The following TMEM132E variants were observed in gnomAD, a reference collection of about 807,000 sequenced individuals.
TMEM132E encodes transmembrane protein 132E.
In TMEM132E, 49 loss-of-function variants were observed where a neutral mutation model predicts 78.5. The ratio of observed to expected loss-of-function variants is 0.62; its 90% CI spans 0.50 to 0.79. TMEM132E has a LOEUF of 0.79. TMEM132E is among the 30% of genes least tolerant of loss of function. The probability of loss-of-function intolerance (pLI) is 0.00; values close to 1 mark genes in which losing one functional copy is unlikely to be tolerated. For synonymous variants in TMEM132E, 715 were observed against 670.6 expected (o/e 1.07, Z -1.02); for missense variants, 1,403 against 1,470.9 (o/e 0.95, Z 0.75).
chr17:34,637,110 G>A, intron 8 of TMEM132E, 67 bp from the exon 9 acceptor site: 1 of 1,435,280 alleles, frequency 7.0e-7, no homozygotes. Context: ...ACAGAGCCCA[G>A]GATCTAGCAG....
chr17:34,606,670 TTCTTACATAGGTCC>T (rs1177046108), intron 1 of TMEM132E, among the ~76,000 whole-genome samples: 1 of 152,164 alleles, frequency 6.6e-6, no homozygotes, highest in Non-Finnish European at 1.5e-5. Flanking sequence ...CAGACCATGG[TTCTTACATAGGTCC>T]CCTGGCAAGT....
rs117198958 is a variant in TMEM132E at position 34,638,171 on chromosome 17, C to G, written c.3164C>G (p.Thr1055Arg). 226 of 1,604,626 alleles carry G rather than the reference C, an allele frequency of 1.4e-4. 3 individuals carry two copies. The East Asian group carries it at 4.8e-3, about 34-fold the overall frequency. ...GWGCPDVAGPTRPTAPPDLHN... is the reference protein window; with the variant it reads ...GWGCPDVAGPRRPTAPPDLHN... ...GGCTGCCCGGATGTGGCGGGCCCCA[C>G]GCGGCCCACTGCACCCCCGGACCTG... The change falls in exon 9 of 9, where the codon ACG becomes AGG. Residue 1055 changes from threonine to arginine, a missense_variant. Thr to Arg is a moderately conservative substitution (Grantham distance 71). Coordinates refer to ENST00000631683, the MANE Select transcript of TMEM132E (RefSeq NM_001304438.2).
At chr17:34,630,582 G>A (rs778836663) in intron 5 of TMEM132E, among the ~76,000 whole-genome samples, 1 of 152,156 alleles carries the variant, frequency 6.6e-6, no homozygotes, top group Non-Finnish European at 1.5e-5. Context: ...AGCAGGGGGT[G>A]GGTGAGGGAG....
At chr17:34,612,432 G>C (rs1374712950) in intron 1 of TMEM132E, among the ~76,000 whole-genome samples, 2 of 152,284 alleles carry the variant, frequency 1.3e-5, no homozygotes, top group African/African-American at 4.8e-5. Flanking sequence ...CAGGGGCCTT[G>C]GCTTATGGGA....
Position 34,638,259 on chromosome 17 carries a change from C to CG in TMEM132E, c.*27_*28insG. The CG allele has an allele frequency of 4.1e-6, 6 of 1,471,534 alleles. No individual in the cohort carries two copies. The highest frequency in any genetic ancestry group is 1.5e-5 in the African/African-American group (1 of 65,866). 91.2% of individuals were successfully genotyped at this position (1,471,534 alleles called of 1,614,324 possible). A position where few individuals can be genotyped will look rare whatever the true frequency, so the allele number is the denominator to read the frequency against. On this transcript the variant is annotated 3_prime_UTR_variant, in exon 9 of 9. Coordinates refer to ENST00000631683, the MANE Select transcript of TMEM132E (RefSeq NM_001304438.2). ...GGCGCCAGCCGGAGTAGCAGGGACC[C>CG]CCCCCCCCAACGGGGTCAGCTCGGG...
At chr17:34,636,659 C>T (rs1291559725) in intron 8 of TMEM132E, among the ~76,000 whole-genome samples, 1 of 152,140 alleles carries the variant, frequency 6.6e-6, no homozygotes, top group Non-Finnish European at 1.5e-5. Flanking sequence ...TCCTCTGTCC[C>T]TAACTCACTC....
At chr17:34,610,256 T>A (rs1906544251) in intron 1 of TMEM132E, among the ~76,000 whole-genome samples, 6 of 152,212 alleles carry the variant, frequency 3.9e-5, no homozygotes, top group Admixed American at 3.9e-4. Context: ...ATCTTCTTTA[T>A]CTCTGTCTCC....
At chr17:34,613,203 A>ACGCGCGCGCG (rs1419108167) in intron 1 of TMEM132E, among the ~76,000 whole-genome samples, 8 of 114,474 alleles carry the variant, frequency 7.0e-5, no homozygotes, top group Non-Finnish European at 9.8e-5. Flanking sequence ...ACACCCACAC[A>ACGCGCGCGCG]CACACACACG....
At chr17:34,622,302 T>G (rs1344715426) in intron 1 of TMEM132E, among the ~76,000 whole-genome samples, 1 of 151,990 alleles carries the variant, frequency 6.6e-6, no homozygotes, top group African/African-American at 2.4e-5. Flanking sequence ...CCAGAACAAG[T>G]GAGTGGGAGA....
At position 34,638,167 on chromosome 17, in the gene TMEM132E, C is replaced by T. The variant is rs1017460905; in HGVS notation, c.3160C>T (p.Pro1054Ser). Residue 1054 changes from proline to serine, a missense_variant, in exon 9 of 9, where the codon CCC becomes TCC. By Grantham distance (74) the Pro-to-Ser change is moderately conservative. Transcript: ENST00000631683. ...TTGGGGCTGCCCGGATGTGGCGGGC[C>T]CCACGCGGCCCACTGCACCCCCGGA... ...LGWGCPDVAG[P>S]TRPTAPPDLH... 9 of 1,604,708 alleles carry T rather than the reference C, an allele frequency of 5.6e-6. No individual in the cohort carries two copies. The highest frequency in any genetic ancestry group is 7.6e-6 in the Non-Finnish European group (9 of 1,176,624).
chr17:34,596,500 T>G (rs1906064535), intron 1 of TMEM132E, among the ~76,000 whole-genome samples: 1 of 152,156 alleles, frequency 6.6e-6, no homozygotes, highest in South Asian at 2.1e-4. Flanking sequence ...CCATTCAGCT[T>G]GGTCCCAGTG....
intron 1 of TMEM132E, 72 bp downstream of exon 1, chr17:34,581,215 G>A: frequency 7.4e-7 from 1 of 1,358,744 alleles, no homozygotes; most frequent in Non-Finnish European, 9.7e-7. Context: ...GGAAGACTGG[G>A]GAGAGGAGCA....
rs933547212 is a variant in TMEM132E at position 34,616,567 on chromosome 17, C to T, written c.68-9560C>T. ...CCAGAGGCACTCAGTGTTGGGAATA[C>T]GGTGGAGAGAGGAAAGTGGAGCCTC... is the stretch of plus-strand genomic sequence containing the variant. On this transcript the variant is annotated intron_variant, in intron 1 of 8. Transcript: ENST00000631683. Among the ~76,000 whole-genome samples, 4 of 152,290 alleles carry T rather than the reference C, an allele frequency of 2.6e-5. No individual in the cohort carries two copies. In the East Asian group the frequency reaches 5.8e-4, roughly 22 times the overall value.
rs1344415237 is a variant in TMEM132E at position 34,626,944 on chromosome 17, G to A, written c.885G>A (p.Met295Ile). The change falls in exon 2 of 9, where the codon ATG (methionine) becomes ATA (isoleucine). Residue 295 changes from methionine to isoleucine, a missense_variant. By Grantham distance (10) the Met-to-Ile change is conservative. This residue lies in a region of TMEM132E where 511 missense variants were observed against 499.0 expected (regional missense o/e 1.02). Coordinates refer to ENST00000631683, the MANE Select transcript of TMEM132E (RefSeq NM_001304438.2). ...AGCACAGGCTGGACAGCAACCTGAT[G>A]ATCCGCCTGCCAGACCGGCCCCTCA... ...LQEHRLDSNL[M>I]IRLPDRPLKP... 6.2e-7 allele frequency: 1 copy of A among 1,613,820 alleles called. No individual in the cohort carries two copies. The highest frequency in any genetic ancestry group is 1.3e-5 in the African/African-American group (1 of 75,066).
chr17:34,623,257 G>A (rs1459040813), intron 1 of TMEM132E, among the ~76,000 whole-genome samples: 2 of 152,282 alleles, frequency 1.3e-5, no homozygotes, highest in Middle Eastern at 3.4e-3. Flanking sequence ...CCATCTGGTG[G>A]TCTCTGCCCC....
intron 2 of TMEM132E, among the ~76,000 whole-genome samples, chr17:34,628,295 A>G (rs1398880889): frequency 6.6e-6 from 1 of 152,210 alleles, no homozygotes; most frequent in East Asian, 1.9e-4. Context: ...GTCCCCTGTC[A>G]CTAAGGTATG....
chr17:34,617,681 A>G (rs1362166958), intron 1 of TMEM132E, among the ~76,000 whole-genome samples: 1 of 152,256 alleles, frequency 6.6e-6, no homozygotes, highest in East Asian at 1.9e-4. Context: ...GCCCAAGGAC[A>G]CACAGCTATG....
Position 34,638,087 on chromosome 17 carries a change from CCTAT to C in TMEM132E, c.3081_3084del (p.Tyr1028ThrfsTer75). On this transcript the variant is annotated frameshift_variant, in exon 9 of 9. Coordinates refer to ENST00000631683, the MANE Select transcript of TMEM132E (RefSeq NM_001304438.2). LOFTEE classifies it high-confidence loss of function. ...ACCACGCTGCCGTCAGAGGAGCTGG[CCTAT>C]GACTCGGTGCCCGCGGGCGAAGAGG... 6.3e-7 allele frequency: 1 copy of C among 1,592,696 alleles called. No homozygotes were observed. The highest frequency in any genetic ancestry group is 8.5e-7 in the Non-Finnish European group (1 of 1,169,692).
intron 1 of TMEM132E, among the ~76,000 whole-genome samples, chr17:34,621,392 T>C (rs1468884644): frequency 2.6e-5 from 4 of 152,174 alleles, no homozygotes; most frequent in African/African-American, 4.8e-5. Context: ...CTTCTTCTTA[T>C]AAGTACACCA....
Sources: allele counts gnomAD v4.1 joint callset (sites outside exome capture counted in the v4.1 genomes callset), GRCh38; gene constraint gnomAD v4.1.1; regional missense constraint gnomAD v4.1.1; transcripts MANE v1.5; gene names NCBI Gene and HGNC (gene_info 2026-07-23, HGNC 2026-07-21).